Variants in VTA1 observed in about 807,000 individuals in gnomAD.
The protein encoded by VTA1 is vesicle trafficking 1.
In VTA1, 24 loss-of-function variants were observed where a neutral mutation model predicts 36.9. That is an observed-to-expected ratio of 0.65 (90% CI 0.47 to 0.91). The LOEUF (loss-of-function observed/expected upper bound fraction) is 0.91. Among genes scored for constraint, VTA1 ranks in the 40% least tolerant of loss-of-function variants. The pLI, the probability that VTA1 is intolerant of heterozygous loss-of-function variation, is 0.00. For missense variants in VTA1, 393 were observed against 377.2 expected, an observed-to-expected ratio of 1.04 and a Z score of -0.35; for synonymous variants, 142 against 130.2, an observed-to-expected ratio of 1.09 and a Z score of -0.62.
Position 142,198,610 on chromosome 6 carries a change from G to A in VTA1, c.692G>A (p.Ser231Asn), listed in dbSNP as rs1316760779. ...AATACACCAGCAGAAGTGCCTCACA[G>A]CACAGGTGGGAAACTGTAACTGAAT... The part of the protein sequence containing the change: ...PANTPAEVPH[S>N]TGVASNTIQP... The change falls in exon 6 of 8, where the codon AGC becomes AAC. Residue 231 changes from serine (S) to asparagine (N), a missense_variant. Coordinates refer to ENST00000367630, the MANE Select transcript of VTA1 (RefSeq NM_016485.5). 1 of 1,608,292 alleles carries A rather than the reference G, an allele frequency of 6.2e-7. No individual in the cohort carries two copies. Among genetic ancestry groups the A allele is most frequent in the Admixed American group, 1.7e-5 (1 of 59,502 alleles).
intron 4 of VTA1, among the ~76,000 whole-genome samples, chr6:142,173,815 A>G (rs1307528997): frequency 6.6e-6 from 1 of 152,180 alleles, no homozygotes; most frequent in Non-Finnish European, 1.5e-5. Flanking sequence ...TTTTTTGAAC[A>G]TAGTAACTAG....
At chr6:142,205,981 CA>C (rs1396991757) in intron 7 of VTA1, among the ~76,000 whole-genome samples, 4 of 151,950 alleles carry the variant, frequency 2.6e-5, no homozygotes, top group Non-Finnish European at 5.9e-5. Flanking sequence ...AGGCTTATGA[CA>C]AAACATAGAG....
chr6:142,215,362 A>C (rs1490766540), intron 7 of VTA1, among the ~76,000 whole-genome samples: 2 of 150,970 alleles, frequency 1.3e-5, no homozygotes, highest in Non-Finnish European at 2.9e-5. Context: ...AATGGCATGA[A>C]CCCGGGAGGT....
At chr6:142,171,717 T>C (rs924238042) in intron 4 of VTA1, among the ~76,000 whole-genome samples, 6 of 152,210 alleles carry the variant, frequency 3.9e-5, no homozygotes, top group African/African-American at 1.4e-4. Flanking sequence ...GGAAGAGTTA[T>C]AAATGAGATT....
rs559313045 is a variant in VTA1 at position 142,197,444 on chromosome 6, C to T, written c.521-995C>T. ...TTTAAGTTACTATGACTCCCAGTAG[C>T]GGCTGATGGTCATTTTATACTCAAA... On this transcript the variant is annotated intron_variant, in intron 5 of 7. Coordinates refer to ENST00000367630, the MANE Select transcript of VTA1 (RefSeq NM_016485.5). Among the ~76,000 whole-genome samples, 14 of 152,258 alleles carry T rather than the reference C, an allele frequency of 9.2e-5. No individual in the cohort carries two copies. In the South Asian group the frequency reaches 1.7e-3, roughly 18 times the overall value.
rs1165530703 is a variant in VTA1 at position 142,169,452 on chromosome 6, A to G, written c.208-98A>G. ...TGACATCTTTTATTGAAATGAATGT[A>G]AAATAATTTACTTAAAATGATTATT... On this transcript the variant is annotated intron_variant, in intron 2 of 7. Transcript: ENST00000367630. The G allele has an allele frequency of 1.1e-5, 15 of 1,318,270 alleles. No homozygotes were observed. In the East Asian group the frequency reaches 1.3e-4, roughly 12 times the overall value. 81.7% of individuals were successfully genotyped at this position (1,318,270 alleles called of 1,614,324 possible).
At chr6:142,201,321 G>T (rs1046087227) in intron 6 of VTA1, among the ~76,000 whole-genome samples, 1 of 151,830 alleles carries the variant, frequency 6.6e-6, no homozygotes, top group South Asian at 2.1e-4. Flanking sequence ...CTCATATAAA[G>T]GTCCAGGATG....
rs1264303600 is a variant in VTA1 at position 142,218,646 on chromosome 6, C to A, written c.*3C>A. On this transcript the variant is annotated 3_prime_UTR_variant, in exon 8 of 8. Coordinates refer to ENST00000367630, the MANE Select transcript of VTA1 (RefSeq NM_016485.5). ...TACTGACGACAGGCAGAGAATGAAGCCTTTGTATGACAGACCCATGTATTT... is the reference window on the plus strand; with the variant it reads ...TACTGACGACAGGCAGAGAATGAAGACTTTGTATGACAGACCCATGTATTT... 6.2e-7 allele frequency: 1 copy of A among 1,607,332 alleles called. No individual in the cohort carries two copies. Among genetic ancestry groups the A allele is most frequent in the Non-Finnish European group, 8.5e-7 (1 of 1,177,778 alleles).
chr6:142,209,495 C>T (rs143852436), intron 7 of VTA1, among the ~76,000 whole-genome samples: 2,116 of 146,622 alleles, frequency 0.014, 45 homozygotes, highest in African/African-American at 0.051. Flanking sequence ...CTAACTAAAG[C>T]AGTTAGTTAT....
At chr6:142,184,576 T>C (rs1039103187) in intron 4 of VTA1, among the ~76,000 whole-genome samples, 4 of 152,098 alleles carry the variant, frequency 2.6e-5, no homozygotes, top group Non-Finnish European at 5.9e-5. Context: ...GGGTGCTTCA[T>C]AGGGAGTAAA....
intron 4 of VTA1, among the ~76,000 whole-genome samples, chr6:142,184,431 A>G (rs150678243): frequency 6.6e-6 from 1 of 152,318 alleles, no homozygotes; most frequent in Non-Finnish European, 1.5e-5. Flanking sequence ...TGTCACATTT[A>G]GGGATGTCAG....
At chr6:142,217,823 G>A (rs552701669) in intron 7 of VTA1, among the ~76,000 whole-genome samples, 2 of 151,384 alleles carry the variant, frequency 1.3e-5, no homozygotes, top group South Asian at 2.1e-4. Flanking sequence ...AAGGAAATTC[G>A]TATCTTAGAT....
chr6:142,154,166 C>T (rs1048149047), intron 1 of VTA1, among the ~76,000 whole-genome samples: 3 of 152,028 alleles, frequency 2.0e-5, no homozygotes, highest in African/African-American at 4.8e-5. Context: ...TTTTCGCTAC[C>T]TCACCCCCAT....
At chr6:142,150,230 T>C (rs566746199) in intron 1 of VTA1, among the ~76,000 whole-genome samples, 12 of 152,210 alleles carry the variant, frequency 7.9e-5, no homozygotes, top group Non-Finnish European at 1.8e-4. Flanking sequence ...TGGGCCTGAT[T>C]CTGCTTTTCA....
At chr6:142,176,796 G>T (rs1425390521) in intron 4 of VTA1, among the ~76,000 whole-genome samples, 3 of 152,100 alleles carry the variant, frequency 2.0e-5, no homozygotes, top group Non-Finnish European at 2.9e-5. Context: ...AAGCAGTTTT[G>T]CAGACCAGCA....
At chr6:142,207,670 C>A (rs551320909) in intron 7 of VTA1, among the ~76,000 whole-genome samples, 162 of 151,780 alleles carry the variant, frequency 1.1e-3, no homozygotes, top group African/African-American at 2.9e-3. Flanking sequence ...GCAATAAAAA[C>A]CAAAACAAGC....
chr6:142,194,557 G>A lies in VTA1; in HGVS notation c.521-3882G>A, dbSNP rs545261156. 2.6e-5 allele frequency among the ~76,000 whole-genome samples: 4 copies of A among 152,036 alleles called. 1 individual carries two copies. The East Asian group carries it at 7.7e-4, about 29-fold the overall frequency. On this transcript the variant is annotated intron_variant, in intron 5 of 7. Transcript: ENST00000367630. ...AATTTTTTAATTTGGTTTTCCAGTC[G>A]TTAGCTTCTAATAGGAATTACAATT...
intron 1 of VTA1, among the ~76,000 whole-genome samples, chr6:142,163,376 CTT>C (rs2097230344): frequency 6.6e-6 from 1 of 152,106 alleles, no homozygotes; most frequent in South Asian, 2.1e-4. Context: ...TTGCAACAGT[CTT>C]TCCTAACTAT....
chr6:142,192,300 C>G (rs1199646815), intron 5 of VTA1, among the ~76,000 whole-genome samples: 1 of 151,956 alleles, frequency 6.6e-6, no homozygotes, highest in Non-Finnish European at 1.5e-5. Context: ...TGTAAGTGCT[C>G]TGAGCATGTT....
Sources: allele counts gnomAD v4.1 joint callset (sites outside exome capture counted in the v4.1 genomes callset), GRCh38; gene constraint gnomAD v4.1.1; transcripts MANE v1.5; gene names NCBI Gene and HGNC (gene_info 2026-07-23, HGNC 2026-07-21).